Variants in COL11A1 observed in about 807,000 individuals in gnomAD.
COL11A1 encodes collagen type XI alpha 1 chain, also known as collagen alpha-1(XI) chain.
A neutral mutation model predicts 265.2 loss-of-function variants in COL11A1; 74 were observed. That is an observed-to-expected ratio of 0.28 (90% CI 0.23 to 0.34). COL11A1 has a LOEUF of 0.34. Among genes scored for constraint, COL11A1 ranks in the 10% least tolerant of loss-of-function variants. COL11A1 has a pLI of 1.00. For synonymous variants in COL11A1, 816 were observed against 727.6 expected (o/e 1.12, Z -1.96); for missense variants, 2,165 against 2,263.6 (o/e 0.96, Z 0.88).
intron 46 of COL11A1, among the ~76,000 whole-genome samples, chr1:102,934,095 C>T (rs1433017935): frequency 1.3e-5 from 2 of 152,122 alleles, no homozygotes; most frequent in African/African-American, 4.8e-5. Context: ...TGTTCCTATT[C>T]GGCCATCTTG....
rs754868892 is a variant in COL11A1 at position 103,023,012 on chromosome 1, G to A, written c.991-16C>T. On this transcript the variant is annotated splice_polypyrimidine_tract_variant and intron_variant, in intron 7 of 66. Coordinates refer to ENST00000370096, the MANE Select transcript of COL11A1 (RefSeq NM_001854.4). ...CTGGATTTGGCTATTAATTTAAATT[G>A]CAAGGAATTGAGGAACATGAAGTTT... 13 of 1,607,428 alleles carry A rather than the reference G, an allele frequency of 8.1e-6. No homozygotes were observed. The highest frequency in any genetic ancestry group is 1.1e-5 in the Non-Finnish European group (13 of 1,176,136).
intron 65 of COL11A1, among the ~76,000 whole-genome samples, 200 bp downstream of exon 65, chr1:102,881,497 A>C (rs771929343): frequency 6.6e-6 from 1 of 152,078 alleles, no homozygotes; most frequent in African/African-American, 2.4e-5. Context: ...GCATATTTCC[A>C]TTTACTTTTA....
rs573149161 is a variant in COL11A1 at position 102,962,856 on chromosome 1, T to C, written c.2917-96A>G. On this transcript the variant is annotated intron_variant, in intron 38 of 66. Coordinates refer to ENST00000370096, the MANE Select transcript of COL11A1 (RefSeq NM_001854.4). ...CAGTATTATTACATTTACAAAAGTT[T>C]ATCATCCTCACTTATTCTCATGATG... is the stretch of plus-strand genomic sequence containing the variant. 26 of 1,100,914 alleles carry C rather than the reference T, an allele frequency of 2.4e-5. No homozygotes were observed. The African/African-American group carries it at 3.9e-4, about 16-fold the overall frequency. The allele number at this position is 1,100,914 out of a possible 1,614,324, so 68.2% of individuals were successfully genotyped here.
At chr1:102,886,056 T>C (rs550511133) in intron 63 of COL11A1, among the ~76,000 whole-genome samples, 6 of 152,292 alleles carry the variant, frequency 3.9e-5, no homozygotes, top group African/African-American at 1.4e-4. Flanking sequence ...AACAATATTT[T>C]CTACAGAGTA....
chr1:102,904,915 C>A (rs544310442), intron 54 of COL11A1, among the ~76,000 whole-genome samples: 1 of 152,082 alleles, frequency 6.6e-6, no homozygotes, highest in Non-Finnish European at 1.5e-5. Flanking sequence ...GCTATAGACA[C>A]ATGCACACAT....
chr1:103,105,591 A>G (rs1057417876), intron 1 of COL11A1, among the ~76,000 whole-genome samples: 1 of 152,098 alleles, frequency 6.6e-6, no homozygotes, highest in African/African-American at 2.4e-5. Flanking sequence ...GTTTTAAATT[A>G]TCTTTGTGCT....
chr1:102,887,164 C>A, intron 62 of COL11A1, 108 bp from the exon 63 acceptor site: 1 of 1,399,886 alleles, frequency 7.1e-7, no homozygotes, highest in East Asian at 2.3e-5. Flanking sequence ...GTTGGTTTAG[C>A]TTTTCATTAG....
chr1:102,881,259 A>C (rs1457942689), intron 65 of COL11A1, among the ~76,000 whole-genome samples: 1 of 152,030 alleles, frequency 6.6e-6, no homozygotes, highest in Non-Finnish European at 1.5e-5. Context: ...GAAATCTTTA[A>C]ATTTGTGCCA....
At chr1:103,038,898 T>G (rs1557981386) in intron 4 of COL11A1, among the ~76,000 whole-genome samples, 1 of 152,158 alleles carries the variant, frequency 6.6e-6, no homozygotes, top group Non-Finnish European at 1.5e-5. Context: ...ACTGACTGGA[T>G]GCTGATGATG....
intron 37 of COL11A1, among the ~76,000 whole-genome samples, chr1:102,967,549 A>G (rs554452898): frequency 4.4e-4 from 67 of 152,104 alleles, no homozygotes; most frequent in Non-Finnish European, 9.1e-4. Flanking sequence ...CAATAAATTC[A>G]TTTTTAAACA....
At chr1:102,995,540 C>T (rs1428105411) in intron 28 of COL11A1, among the ~76,000 whole-genome samples, 1 of 151,126 alleles carries the variant, frequency 6.6e-6, no homozygotes, top group African/African-American at 2.4e-5. Flanking sequence ...AACTAGATAA[C>T]ATCTAAATCC....
intron 57 of COL11A1, among the ~76,000 whole-genome samples, chr1:102,892,732 T>C (rs1651928664): frequency 6.6e-6 from 1 of 152,216 alleles, no homozygotes; most frequent in African/African-American, 2.4e-5. Flanking sequence ...TAGACTATTA[T>C]TAGGTATACT....
At chr1:103,082,162 T>G (rs933433638) in intron 2 of COL11A1, among the ~76,000 whole-genome samples, 1 of 151,988 alleles carries the variant, frequency 6.6e-6, no homozygotes, top group African/African-American at 2.4e-5. Context: ...CAGCAAGTAC[T>G]TTTCAGTACC....
At chr1:103,043,007 T>C (rs1668939447) in intron 4 of COL11A1, among the ~76,000 whole-genome samples, 1 of 140,180 alleles carries the variant, frequency 7.1e-6, no homozygotes, top group African/African-American at 2.6e-5. Flanking sequence ...AAATACATCA[T>C]ATATATGAAA....
At chr1:102,927,840 T>C (rs989269980) in intron 46 of COL11A1, among the ~76,000 whole-genome samples, 6 of 152,176 alleles carry the variant, frequency 3.9e-5, no homozygotes, top group Non-Finnish European at 7.3e-5. Context: ...ATGATCGACT[T>C]AATTTATTTT....
rs767904422 is a variant in COL11A1 at position 103,074,599 on chromosome 1, G to A, written c.651+19C>T. The A allele has an allele frequency of 1.9e-6, 3 of 1,611,650 alleles. No homozygotes were observed. Among genetic ancestry groups the A allele is most frequent in the Admixed American group, 1.7e-5 (1 of 59,762 alleles). On this transcript the variant is annotated intron_variant, in intron 4 of 66. Coordinates refer to ENST00000370096, the MANE Select transcript of COL11A1 (RefSeq NM_001854.4). ...ATCTGATTTGTCAATATTCAGCTTA[G>A]AGTTGGATTTATTTTTACCTCAAAA... is the stretch of plus-strand genomic sequence containing the variant.
intron 4 of COL11A1, among the ~76,000 whole-genome samples, chr1:103,051,907 A>T (rs1669863004): frequency 6.6e-6 from 1 of 152,224 alleles, no homozygotes; most frequent in African/African-American, 2.4e-5. Flanking sequence ...CATGGTTTAA[A>T]ACACATAGTT....
At chr1:102,878,273 G>T in intron 66 of COL11A1, 108 bp from the exon 67 acceptor site, 2 of 1,012,598 alleles carry the variant, frequency 2.0e-6, no homozygotes, top group South Asian at 1.6e-5. Context: ...AGAGAGAAGA[G>T]AATAGAAAAA....
chr1:102,946,551 C>T (rs1224078532), intron 42 of COL11A1, among the ~76,000 whole-genome samples: 4 of 151,220 alleles, frequency 2.6e-5, no homozygotes, highest in African/African-American at 4.9e-5. Flanking sequence ...CAAGGTATAG[C>T]TTCAATAAAA....
Sources: allele counts gnomAD v4.1 joint callset (sites outside exome capture counted in the v4.1 genomes callset), GRCh38; gene constraint gnomAD v4.1.1; transcripts MANE v1.5; gene names NCBI Gene and HGNC (gene_info 2026-07-23, HGNC 2026-07-21).